ALPK1: variants seen among roughly 807,000 people sequenced by gnomAD.
ALPK1 encodes alpha kinase 1.
Under a neutral mutation model 120.6 loss-of-function variants are expected in ALPK1, and 110 were observed. The observed-to-expected ratio is 0.91, with a 90% confidence interval of 0.78 to 1.07. The LOEUF (loss-of-function observed/expected upper bound fraction) is 1.07, where lower values mean the gene tolerates loss of function less well. Among genes scored for constraint, ALPK1 ranks in the 50% least tolerant of loss-of-function variants. The pLI, the probability that ALPK1 is intolerant of heterozygous loss-of-function variation, is 0.00. For synonymous variants in ALPK1, 582 were observed against 560.3 expected (o/e 1.04, Z -0.55); for missense variants, 1,498 against 1,483.9 (o/e 1.01, Z -0.16).
At chr4:112,438,103 G>T (rs231246) in intron 12 of ALPK1, among the ~76,000 whole-genome samples, 45,132 of 152,060 alleles carry the variant, frequency 0.3, 7,121 homozygotes, top group East Asian at 0.46. Flanking sequence ...ATAGAGGAAG[G>T]CTTCAGATTG....
intron 4 of ALPK1, among the ~76,000 whole-genome samples, chr4:112,391,544 G>A (rs1732418857): frequency 6.6e-6 from 1 of 152,196 alleles, no homozygotes; most frequent in Non-Finnish European, 1.5e-5. Context: ...AAGTTAAAAT[G>A]AGGTCATACT....
In ALPK1 at chr4:112,430,858, C is replaced by T. The variant is rs145906942; in HGVS notation, c.1311C>T (p.Phe437=). 5.6e-6 allele frequency: 9 copies of T among 1,613,928 alleles called. No individual in the cohort carries two copies. In the East Asian group the frequency reaches 8.9e-5, roughly 16 times the overall value. Residue 437 remains phenylalanine (F), a synonymous_variant, in exon 11 of 16, where the codon TTC becomes TTT. Coordinates refer to ENST00000650871, the MANE Select transcript of ALPK1 (RefSeq NM_025144.4). ...ACAGATCTTATGTTCCCGAGAGTTT[C>T]GAGTGCAGGTTGGATAAACTTATCT... ...VDDRSYVPES[F]ECRLDKLILH...
intron 3 of ALPK1, 23 bp from the exon 4 acceptor site, chr4:112,382,375 T>G: frequency 6.2e-7 from 1 of 1,608,328 alleles, no homozygotes; most frequent in Non-Finnish European, 8.5e-7. Flanking sequence ...GCAATTTCCT[T>G]ACCTGAACTC....
chr4:112,357,011 C>T, intron 2 of ALPK1: 1 of 784,838 alleles, frequency 1.3e-6, no homozygotes, highest in Non-Finnish European at 2.3e-6. Context: ...GCAGGGCCAG[C>T]CCCAACCGGA....
chr4:112,339,137 C>A (rs1729751152), intron 2 of ALPK1, among the ~76,000 whole-genome samples: 1 of 152,086 alleles, frequency 6.6e-6, no homozygotes, highest in Non-Finnish European at 1.5e-5. Context: ...AGAAGATGGA[C>A]CAAATAATGA....
chr4:112,307,121 T>G (rs1032460089), intron 1 of ALPK1, among the ~76,000 whole-genome samples: 4 of 152,132 alleles, frequency 2.6e-5, no homozygotes, highest in Non-Finnish European at 5.9e-5. Context: ...AGAGACAGTT[T>G]GTTATAATTT....
In ALPK1 at chr4:112,429,850, A is replaced by G. The variant is rs917293288; in HGVS notation, c.900+597A>G. On this transcript the variant is annotated intron_variant, in intron 10 of 15. Transcript: ENST00000650871. Reference sequence around the variant, plus strand: ...GCAAGACCCTACCTCAAAAAAAAAAAAAAAGAAAAGAAAAGAGAAAAAGAA... The same window carrying G: ...GCAAGACCCTACCTCAAAAAAAAAAGAAAAGAAAAGAAAAGAGAAAAAGAA... 8.2e-5 allele frequency among the ~76,000 whole-genome samples: 12 copies of G among 145,922 alleles called. 1 individual carries two copies. The Middle Eastern group carries it at 0.01, about 127-fold the overall frequency.
intron 1 of ALPK1, among the ~76,000 whole-genome samples, chr4:112,300,595 G>T (rs921327493): frequency 6.6e-6 from 1 of 151,838 alleles, no homozygotes; most frequent in African/African-American, 2.4e-5. Flanking sequence ...AACAGAGAAG[G>T]AAATACCAGT....
chr4:112,341,206 T>A (rs1427737258), intron 2 of ALPK1, among the ~76,000 whole-genome samples: 1 of 152,204 alleles, frequency 6.6e-6, no homozygotes, highest in Non-Finnish European at 1.5e-5. Context: ...GAAAGCGTGT[T>A]CTTTCCAGTC....
chr4:112,412,456 A>G (rs1383425328), intron 5 of ALPK1: 3 of 458,514 alleles, frequency 6.5e-6, no homozygotes, highest in Non-Finnish European at 1.3e-5. Flanking sequence ...TGACAAACCC[A>G]CTGAAGTAAT....
intron 2 of ALPK1, among the ~76,000 whole-genome samples, chr4:112,354,501 T>TATC (rs1309848330): frequency 6.6e-6 from 1 of 152,254 alleles, no homozygotes; most frequent in East Asian, 1.9e-4. Flanking sequence ...AGTCTTACTC[T>TATC]ATCAGCCAGG....
At chr4:112,399,069 A>G (rs1312071489) in intron 4 of ALPK1, among the ~76,000 whole-genome samples, 1 of 152,210 alleles carries the variant, frequency 6.6e-6, no homozygotes, top group Non-Finnish European at 1.5e-5. Context: ...AATTCCATAT[A>G]CAAGTATGCA....
At chr4:112,326,815 C>T (rs1729138252) in intron 2 of ALPK1, among the ~76,000 whole-genome samples, 2 of 152,128 alleles carry the variant, frequency 1.3e-5, no homozygotes, top group South Asian at 2.1e-4. Flanking sequence ...TCATTTAGAG[C>T]CCATAGGGAG....
At chr4:112,387,288 A>T (rs867475812) in intron 4 of ALPK1, among the ~76,000 whole-genome samples, 1 of 152,220 alleles carries the variant, frequency 6.6e-6, no homozygotes, top group Non-Finnish European at 1.5e-5. Flanking sequence ...TTCAAAAAGT[A>T]AAGTAAAGGG....
At chr4:112,409,848 T>C (rs1367037603) in intron 4 of ALPK1, among the ~76,000 whole-genome samples, 1 of 152,092 alleles carries the variant, frequency 6.6e-6, no homozygotes, top group Non-Finnish European at 1.5e-5. Flanking sequence ...AGAAGAGATA[T>C]TCTCCCCAAC....
intron 2 of ALPK1, chr4:112,359,199 G>A (rs1730794973): frequency 3.3e-6 from 2 of 599,944 alleles, no homozygotes; most frequent in Non-Finnish European, 6.0e-6. Flanking sequence ...CCCCACAGGA[G>A]ACCCTGGCAG....
chr4:112,435,305 T>TTACTTAAAA lies in ALPK1; in HGVS notation c.3188+5_3188+13dup, dbSNP rs1252562222. 1 of 1,606,662 alleles carries TTACTTAAAA rather than the reference T, an allele frequency of 6.2e-7. No homozygotes were observed. Among genetic ancestry groups the TTACTTAAAA allele is most frequent in the Non-Finnish European group, 8.5e-7 (1 of 1,177,946 alleles). On this transcript the variant is annotated splice_donor_region_variant and intron_variant, in intron 12 of 15. Transcript: ENST00000650871. ...ATCAAGAAGAAATTCTGGGGAGGTA[T>TTACTTAAAA]TACTTAAAAACATTTGTATAACTAA...
At chr4:112,351,697 C>T (rs1388569297) in intron 2 of ALPK1, among the ~76,000 whole-genome samples, 1 of 152,170 alleles carries the variant, frequency 6.6e-6, no homozygotes, top group Non-Finnish European at 1.5e-5. Context: ...TGGTCTCGAA[C>T]TTCTGACCTC....
intron 4 of ALPK1, among the ~76,000 whole-genome samples, chr4:112,408,189 A>G (rs7687819): frequency 0.22 from 33,895 of 152,054 alleles, 3,925 homozygotes; most frequent in South Asian, 0.34. Flanking sequence ...GGGCATTCAC[A>G]GGCTATCTGA....
Sources: allele counts gnomAD v4.1 joint callset (sites outside exome capture counted in the v4.1 genomes callset), GRCh38; gene constraint gnomAD v4.1.1; transcripts MANE v1.5; gene names NCBI Gene and HGNC (gene_info 2026-07-23, HGNC 2026-07-21).